Variants in ROBO2 observed in about 807,000 individuals in gnomAD.
The protein encoded by ROBO2 is roundabout guidance receptor 2.
In ROBO2, 53 loss-of-function variants were observed where a neutral mutation model predicts 160.8. That is an observed-to-expected ratio of 0.33 (90% CI 0.26 to 0.41). The LOEUF is 0.41. Ranked by LOEUF, ROBO2 falls within the 10% of genes least tolerant of loss-of-function variation. The probability of loss-of-function intolerance (pLI) is 1.00; values close to 1 mark genes in which losing one functional copy is unlikely to be tolerated. For synonymous variants in ROBO2, 664 were observed against 611.7 expected, an observed-to-expected ratio of 1.09 and a Z score of -1.26; for missense variants, 1,577 against 1,722.4, an observed-to-expected ratio of 0.92 and a Z score of 1.49.
At chr3:77,019,461 C>A (rs2062488432) in intron 2 of ROBO2, among the ~76,000 whole-genome samples, 1 of 152,140 alleles carries the variant, frequency 6.6e-6, no homozygotes, top group Admixed American at 6.5e-5. Flanking sequence ...GGGGGAGACA[C>A]AAACATGCAA....
intron 2 of ROBO2, among the ~76,000 whole-genome samples, chr3:77,241,490 G>T (rs564681641): frequency 6.6e-6 from 1 of 152,244 alleles, no homozygotes; most frequent in East Asian, 1.9e-4. Context: ...TTCAGTTTGT[G>T]CTCCTTAATG....
At position 76,252,579 on chromosome 3, in the gene ROBO2, T is replaced by C. The variant is rs1483413531; in HGVS notation, c.109+314977T>C. The stretch of plus-strand genomic sequence containing the variant: ...TTACATATGCACACACACATATATA[T>C]GGCTGTGAACATTACAAAGATGATG... On this transcript the variant is annotated intron_variant, in intron 2 of 26. Transcript: ENST00000487694. Among the ~76,000 whole-genome samples, 8 of 151,850 alleles carry C rather than the reference T, an allele frequency of 5.3e-5. No individual in the cohort carries two copies. In the East Asian group the frequency reaches 1.6e-3, roughly 29 times the overall value.
chr3:76,329,720 T>TA (rs2073337258), intron 2 of ROBO2, among the ~76,000 whole-genome samples: 1 of 152,236 alleles, frequency 6.6e-6, no homozygotes, highest in African/African-American at 2.4e-5. Flanking sequence ...GACTGTTTTC[T>TA]AAAAAATAAT....
chr3:77,104,580 C>T (rs1286845794), intron 2 of ROBO2, among the ~76,000 whole-genome samples: 1 of 152,030 alleles, frequency 6.6e-6, no homozygotes, highest in Admixed American at 6.5e-5. Context: ...TGGGTATTCT[C>T]ATAAGTTTAT....
intron 2 of ROBO2, among the ~76,000 whole-genome samples, chr3:76,742,066 A>C (rs1157448767): frequency 6.6e-6 from 1 of 152,058 alleles, no homozygotes; most frequent in Non-Finnish European, 1.5e-5. Context: ...ATGAGTGAAA[A>C]ATTTCATTAT....
chr3:77,510,067 G>A (rs1299693031), intron 5 of ROBO2, among the ~76,000 whole-genome samples: 1 of 151,956 alleles, frequency 6.6e-6, no homozygotes, highest in Non-Finnish European at 1.5e-5. Context: ...TATAGGAGGG[G>A]ACTGGTGAAG....
At chr3:76,193,382 A>T (rs1702104651) in intron 2 of ROBO2, among the ~76,000 whole-genome samples, 1 of 152,136 alleles carries the variant, frequency 6.6e-6, no homozygotes, top group South Asian at 2.1e-4. Flanking sequence ...TTACTTGCAA[A>T]TAATTTTCTT....
chr3:77,183,303 G>A lies in ROBO2; in HGVS notation c.388+84963G>A, dbSNP rs556961981. On this transcript the variant is annotated intron_variant, in intron 2 of 25. Coordinates refer to ENST00000461745, the Ensembl canonical transcript of ROBO2. ...TCTCAACTGGACATATGCCTGGGTG[G>A]TCTATAATACTTATGGGCTGAGTTA... is the stretch of plus-strand genomic sequence containing the variant. Among the ~76,000 whole-genome samples the A allele has an allele frequency of 1.1e-4, 17 of 152,062 alleles. No individual in the cohort carries two copies. In the South Asian group the frequency reaches 3.5e-3, roughly 32 times the overall value.
chr3:76,352,164 A>AAGAGGT (rs2074916007), intron 2 of ROBO2, among the ~76,000 whole-genome samples: 1 of 151,962 alleles, frequency 6.6e-6, no homozygotes, highest in Non-Finnish European at 1.5e-5. Flanking sequence ...CCAAGTTGAG[A>AAGAGGT]AGAGGTAGTC....
At chr3:77,360,916 C>T (rs2069884584) in intron 2 of ROBO2, among the ~76,000 whole-genome samples, 1 of 150,590 alleles carries the variant, frequency 6.6e-6, no homozygotes, top group Admixed American at 6.6e-5. Context: ...TTTCTGGCTA[C>T]ATTAGTTTCT....
At chr3:76,575,650 T>A (rs1428652645) in intron 2 of ROBO2, among the ~76,000 whole-genome samples, 1 of 152,098 alleles carries the variant, frequency 6.6e-6, no homozygotes. Flanking sequence ...AGCAATTCAT[T>A]CTTTATCTTT....
At chr3:77,071,124 C>T (rs2149836679) in intron 1 of ROBO2, among the ~76,000 whole-genome samples, 1 of 152,262 alleles carries the variant, frequency 6.6e-6, no homozygotes, top group East Asian at 1.9e-4. Context: ...TTCTCGCAGT[C>T]TCTTTACTTT....
At chr3:77,111,221 A>G (rs1212979686) in intron 2 of ROBO2, among the ~76,000 whole-genome samples, 1 of 152,174 alleles carries the variant, frequency 6.6e-6, no homozygotes, top group Non-Finnish European at 1.5e-5. Flanking sequence ...TAGAATTTAT[A>G]AAGATATATC....
chr3:76,218,171 CAA>C (rs1321638830), intron 2 of ROBO2, among the ~76,000 whole-genome samples: 2 of 152,054 alleles, frequency 1.3e-5, no homozygotes, highest in African/African-American at 2.4e-5. Context: ...CTCAAAATAA[CAA>C]GAGCTATCTA....
At chr3:76,675,755 C>T (rs1472399112) in intron 2 of ROBO2, among the ~76,000 whole-genome samples, 2 of 152,150 alleles carry the variant, frequency 1.3e-5, no homozygotes, top group African/African-American at 4.8e-5. Flanking sequence ...ACCTCCTCTT[C>T]TAAGTCTCAG....
chr3:77,596,140 G>C (rs574561171), intron 18 of ROBO2, among the ~76,000 whole-genome samples: 3 of 152,168 alleles, frequency 2.0e-5, no homozygotes, highest in South Asian at 4.1e-4. Context: ...TATAAATACT[G>C]TTCATTAATT....
intron 2 of ROBO2, among the ~76,000 whole-genome samples, chr3:77,236,207 A>C (rs2087947502): frequency 6.6e-6 from 1 of 152,232 alleles, no homozygotes; most frequent in Admixed American, 6.5e-5. Flanking sequence ...CTAATTGGCA[A>C]CTGGCTGAAA....
At chr3:76,897,435 G>A (rs957555280) in intron 2 of ROBO2, among the ~76,000 whole-genome samples, 6 of 152,004 alleles carry the variant, frequency 3.9e-5, no homozygotes, top group East Asian at 1.9e-4. Flanking sequence ...TCTTGAAAAC[G>A]GCAAAACAGA....
intron 2 of ROBO2, among the ~76,000 whole-genome samples, chr3:77,009,945 T>TA (rs11436984): frequency 0.32 from 33,861 of 104,344 alleles, 5,638 homozygotes; most frequent in Admixed American, 0.36. Context: ...GACTCTGTCT[T>TA]AAAAAAAAAA....
Sources: gnomAD v4.1 joint callset for allele counts (sites outside exome capture counted in the v4.1 genomes callset) on GRCh38, gnomAD v4.1.1 for gene constraint, MANE v1.5 for transcripts, NCBI Gene and HGNC (gene_info 2026-07-23, HGNC 2026-07-21) for gene names.